The following PRKCH variants were observed in gnomAD, a reference collection of about 807,000 sequenced individuals.
PRKCH encodes protein kinase C eta, also known as protein kinase C eta type.
Under a neutral mutation model 82.5 loss-of-function variants are expected in PRKCH, and 28 were observed. That is an observed-to-expected ratio of 0.34 (90% CI 0.25 to 0.47). The LOEUF is 0.47. Among genes scored for constraint, PRKCH ranks in the 20% least tolerant of loss-of-function variants. The probability of loss-of-function intolerance (pLI) is 1.00; values close to 1 mark genes in which losing one functional copy is unlikely to be tolerated. For missense variants in PRKCH, 705 were observed against 881.8 expected (o/e 0.80, Z 2.54); for synonymous variants, 322 against 327.4 (o/e 0.98, Z 0.18).
At chr14:61,267,450 A>G (rs1372431121) in intron 1 of PRKCH, among the ~76,000 whole-genome samples, 1 of 152,210 alleles carries the variant, frequency 6.6e-6, no homozygotes, top group Non-Finnish European at 1.5e-5. Context: ...CATGGGCTTC[A>G]GACGAACTAC....
chr14:61,488,348 C>T (rs186550127), intron 10 of PRKCH, among the ~76,000 whole-genome samples: 20 of 152,178 alleles, frequency 1.3e-4, no homozygotes, highest in African/African-American at 4.3e-4. Flanking sequence ...ATCAATAAAA[C>T]GAGCACTTGT....
In PRKCH at chr14:61,359,806, A is replaced by G. The variant is rs2046199282; in HGVS notation, c.364-31419A>G. Among the ~76,000 whole-genome samples, 4 of 152,252 alleles carry G rather than the reference A, an allele frequency of 2.6e-5. No homozygotes were observed. The South Asian group carries it at 8.3e-4, about 32-fold the overall frequency. The stretch of plus-strand genomic sequence containing the variant: ...ATTAAAATAAAATGAAGTGGAAAAA[A>G]TTAAGTTCATCAATTATATTAGCCA... On this transcript the variant is annotated intron_variant, in intron 1 of 13. Coordinates refer to ENST00000332981, the MANE Select transcript of PRKCH (RefSeq NM_006255.5).
chr14:61,540,676 G>A (rs1483825746), intron 12 of PRKCH, among the ~76,000 whole-genome samples: 1 of 152,180 alleles, frequency 6.6e-6, no homozygotes, highest in Non-Finnish European at 1.5e-5. Context: ...GCTGTAACTT[G>A]TATCAAACGG....
At chr14:61,252,949 A>T (rs1200778356) in intron 1 of PRKCH, among the ~76,000 whole-genome samples, 1 of 152,164 alleles carries the variant, frequency 6.6e-6, no homozygotes, top group Non-Finnish European at 1.5e-5. Flanking sequence ...TTCTGAGCGT[A>T]TGGTGGGCAA....
intron 10 of PRKCH, among the ~76,000 whole-genome samples, chr14:61,515,821 T>G (rs1393743175): frequency 6.6e-6 from 1 of 152,192 alleles, no homozygotes; most frequent in Non-Finnish European, 1.5e-5. Flanking sequence ...CTTATAAAAA[T>G]CATGACAGTA....
At chr14:61,345,172 T>C (rs2045976180) in intron 1 of PRKCH, among the ~76,000 whole-genome samples, 1 of 152,200 alleles carries the variant, frequency 6.6e-6, no homozygotes, top group African/African-American at 2.4e-5. Context: ...AACCCTTTTC[T>C]AGCAAGCACT....
intron 1 of PRKCH, among the ~76,000 whole-genome samples, chr14:61,251,577 C>T (rs1055622170): frequency 6.6e-6 from 1 of 152,122 alleles, no homozygotes; most frequent in African/African-American, 2.4e-5. Context: ...CATATATATG[C>T]CACATTTTCT....
chr14:61,520,999 G>A (rs974714508), intron 10 of PRKCH, among the ~76,000 whole-genome samples: 1 of 152,172 alleles, frequency 6.6e-6, no homozygotes, highest in African/African-American at 2.4e-5. Flanking sequence ...AGAGGAACTG[G>A]TTAAATTGTG....
At chr14:61,273,067 T>G (rs1398056822) in intron 1 of PRKCH, among the ~76,000 whole-genome samples, 5 of 152,230 alleles carry the variant, frequency 3.3e-5, no homozygotes, top group African/African-American at 1.2e-4. Context: ...CATGCATTAT[T>G]CTTTTACATG....
intron 1 of PRKCH, among the ~76,000 whole-genome samples, chr14:61,310,584 C>A (rs897466396): frequency 1.3e-5 from 2 of 152,194 alleles, no homozygotes; most frequent in African/African-American, 2.4e-5. Context: ...TGGCTGCTTT[C>A]GAGGTGTTGG....
intron 10 of PRKCH, among the ~76,000 whole-genome samples, chr14:61,492,789 G>C (rs890947071): frequency 1.8e-4 from 28 of 152,322 alleles, no homozygotes; most frequent in African/African-American, 6.5e-4. Flanking sequence ...TGGCAGCTGG[G>C]TTCCAAAATT....
chr14:61,535,729 G>A (rs989665645), intron 12 of PRKCH, among the ~76,000 whole-genome samples: 1 of 152,242 alleles, frequency 6.6e-6, no homozygotes, highest in Non-Finnish European at 1.5e-5. Context: ...ATGTGTAAAA[G>A]ATCACCCTGG....
intron 2 of PRKCH, among the ~76,000 whole-genome samples, chr14:61,441,974 C>T (rs76240997): frequency 0.036 from 5,498 of 151,968 alleles, 115 homozygotes; most frequent in Middle Eastern, 0.061. Context: ...TTATCTTATC[C>T]TAGGAGTATA....
intron 1 of PRKCH, among the ~76,000 whole-genome samples, chr14:61,229,743 T>C (rs1270582461): frequency 1.3e-5 from 2 of 152,112 alleles, no homozygotes; most frequent in Non-Finnish European, 2.9e-5. Context: ...CCTAACCACA[T>C]TAACACACAG....
chr14:61,379,425 G>A (rs1051331793), intron 1 of PRKCH, among the ~76,000 whole-genome samples: 6 of 152,208 alleles, frequency 3.9e-5, no homozygotes, highest in African/African-American at 1.2e-4. Context: ...TGCAGACTGA[G>A]CAATGAATAA....
intron 1 of PRKCH, among the ~76,000 whole-genome samples, chr14:61,197,779 G>A (rs1330012755): frequency 6.6e-6 from 1 of 152,288 alleles, no homozygotes; most frequent in Non-Finnish European, 1.5e-5. Context: ...CTCCAAGGCT[G>A]TTCACTATGC....
At chr14:61,323,724 T>C (rs2140119102) in intron 1 of PRKCH, among the ~76,000 whole-genome samples, 1 of 152,366 alleles carries the variant, frequency 6.6e-6, no homozygotes, top group African/African-American at 2.4e-5. Flanking sequence ...ATTGAGTTAA[T>C]TTCCCTTCAG....
intron 1 of PRKCH, among the ~76,000 whole-genome samples, chr14:61,374,261 C>T (rs1047878697): frequency 9.2e-5 from 14 of 152,158 alleles, no homozygotes; most frequent in African/African-American, 3.4e-4. Context: ...ATGCAGGGTA[C>T]AGCCCCTGCG....
At chr14:61,194,404 T>G (rs982098276) in intron 1 of PRKCH, among the ~76,000 whole-genome samples, 1 of 152,182 alleles carries the variant, frequency 6.6e-6, no homozygotes, top group Non-Finnish European at 1.5e-5. Flanking sequence ...AGCACTCTCA[T>G]GAGTGGGATT....
Sources: allele counts gnomAD v4.1 joint callset (sites outside exome capture counted in the v4.1 genomes callset), GRCh38; gene constraint gnomAD v4.1.1; transcripts MANE v1.5; gene names NCBI Gene and HGNC (gene_info 2026-07-23, HGNC 2026-07-21).